FGF12: variants seen among roughly 807,000 people sequenced by gnomAD.
The protein encoded by FGF12 is fibroblast growth factor 12B.
A neutral mutation model predicts 23.6 loss-of-function variants in FGF12; 14 were observed. The observed-to-expected ratio is 0.59, with a 90% confidence interval of 0.39 to 0.93. The LOEUF (loss-of-function observed/expected upper bound fraction) is 0.93, where lower values mean the gene tolerates loss of function less well. Ranked by LOEUF, FGF12 falls within the 40% of genes least tolerant of loss-of-function variation. FGF12 has a pLI of 0.00. For synonymous variants in FGF12, 62 were observed against 77.3 expected (o/e 0.80, Z 1.04); for missense variants, 175 against 217.8 (o/e 0.80, Z 1.24).
chr3:192,597,384 A>G (rs1188381992), intron 2 of FGF12, among the ~76,000 whole-genome samples: 2 of 152,192 alleles, frequency 1.3e-5, no homozygotes, highest in East Asian at 1.9e-4. Context: ...ACACTAAGAA[A>G]TCACCAGCAT....
At chr3:192,388,292 A>T (rs1260728170) in intron 2 of FGF12, among the ~76,000 whole-genome samples, 1 of 152,182 alleles carries the variant, frequency 6.6e-6, no homozygotes, top group African/African-American at 2.4e-5. Flanking sequence ...ATAAAACATA[A>T]GTGTCTATAA....
intron 2 of FGF12, among the ~76,000 whole-genome samples, chr3:192,623,219 T>G (rs1043145277): frequency 3.9e-5 from 6 of 152,206 alleles, no homozygotes; most frequent in Admixed American, 3.3e-4. Context: ...AAAAGTGAAG[T>G]CAGTACCAAA....
At chr3:192,168,887 C>T (rs1715378342) in intron 5 of FGF12, among the ~76,000 whole-genome samples, 2 of 152,198 alleles carry the variant, frequency 1.3e-5, no homozygotes, top group Middle Eastern at 3.4e-3. Context: ...GACAAGCTGA[C>T]CGAATGTTTA....
rs1354194901 is a variant in FGF12, at chr3:192,170,642, T to C, written c.243A>G (p.Pro81=). 8.1e-6 allele frequency: 13 copies of C among 1,603,858 alleles called. No individual in the cohort carries two copies. Among genetic ancestry groups the C allele is most frequent in the African/African-American group, 1.4e-5 (1 of 72,164 alleles). Reference sequence around the variant, plus strand: ...ACACAGATTCCTTGAATTTGCATTCTGGAGTGAAAACATCCTGTAGGAAAA... The same window carrying C: ...ACACAGATTCCTTGAATTTGCATTCCGGAGTGAAAACATCCTGTAGGAAAA... The part of the protein sequence containing the change: ...GYLYSSDVFT[P]ECKFKESVFE... The change falls in exon 5 of 6, where the codon CCA becomes CCG. Residue 81 remains proline (P), a synonymous_variant. Coordinates refer to ENST00000445105, the MANE Select transcript of FGF12 (RefSeq NM_004113.6).
At chr3:192,285,837 A>G (rs1340566796) in intron 4 of FGF12, among the ~76,000 whole-genome samples, 1 of 152,030 alleles carries the variant, frequency 6.6e-6, no homozygotes, top group African/African-American at 2.4e-5. Context: ...GGTGGAAATA[A>G]CCAAAGATAA....
Position 192,591,097 on chromosome 3 carries a change from T to C in FGF12, c.13+136084A>G, listed in dbSNP as rs980066851. The stretch of plus-strand genomic sequence containing the variant: ...TTTGCTATCTCGTATTGGAAACAAG[T>C]AGTGTGAGTCTAAGATAAAGTCAGT... On this transcript the variant is annotated intron_variant, in intron 2 of 5. Coordinates refer to ENST00000445105, the MANE Select transcript of FGF12 (RefSeq NM_004113.6). 1.3e-5 allele frequency among the ~76,000 whole-genome samples: 2 copies of C among 151,312 alleles called. 1 individual carries two copies. The highest frequency in any genetic ancestry group is 4.2e-4 in the South Asian group (2 of 4,714).
chr3:192,684,378 C>T (rs1361675980), intron 2 of FGF12, among the ~76,000 whole-genome samples: 1 of 152,160 alleles, frequency 6.6e-6, no homozygotes, highest in African/African-American at 2.4e-5. Flanking sequence ...AGATCTAAAG[C>T]TCCTTGACTC....
chr3:192,606,961 G>A (rs1318452010), intron 2 of FGF12, among the ~76,000 whole-genome samples: 1 of 152,008 alleles, frequency 6.6e-6, no homozygotes, highest in African/African-American at 2.4e-5. Context: ...GTTTATTACT[G>A]GAACTTCATA....
At chr3:192,369,035 G>A (rs1444310766) in intron 2 of FGF12, among the ~76,000 whole-genome samples, 1 of 152,116 alleles carries the variant, frequency 6.6e-6, no homozygotes, top group East Asian at 1.9e-4. Flanking sequence ...ATTGTGCATA[G>A]GTTAGGAGAG....
At chr3:192,490,730 T>G (rs1417399185) in intron 2 of FGF12, among the ~76,000 whole-genome samples, 1 of 152,106 alleles carries the variant, frequency 6.6e-6, no homozygotes, top group Non-Finnish European at 1.5e-5. Flanking sequence ...TATAGCCACA[T>G]GCAACAATAA....
At position 192,407,976 on chromosome 3, in the gene FGF12, GAA is replaced by G. The variant is rs751522238; in HGVS notation, c.14-47440_14-47439del. The G allele has an allele frequency of 2.6e-6, 4 of 1,529,400 alleles. No homozygotes were observed. The East Asian group carries it at 6.9e-5, about 26-fold the overall frequency. The allele number at this position is 1,529,400 out of a possible 1,614,324, so 94.7% of individuals were successfully genotyped here. On this transcript the variant is annotated intron_variant, in intron 2 of 5. Coordinates refer to ENST00000445105, the MANE Select transcript of FGF12 (RefSeq NM_004113.6). ...GGTCCCGAGGTGCTTTGAGGAGGGA[GAA>G]AGAGGGCGTCCCCTCTGGGGAGCCC...
intron 5 of FGF12, among the ~76,000 whole-genome samples, chr3:192,149,166 G>T (rs1433803177): frequency 6.6e-6 from 1 of 152,144 alleles, no homozygotes; most frequent in Non-Finnish European, 1.5e-5. Context: ...CGACATGAGT[G>T]TATAAAGAAA....
chr3:192,293,197 G>A (rs1286575738), intron 4 of FGF12, among the ~76,000 whole-genome samples: 1 of 151,938 alleles, frequency 6.6e-6, no homozygotes, highest in Non-Finnish European at 1.5e-5. Context: ...TTCAATCAAA[G>A]TTTTCTCTGG....
chr3:192,281,487 A>G (rs1049237251), intron 4 of FGF12, among the ~76,000 whole-genome samples: 4 of 152,130 alleles, frequency 2.6e-5, no homozygotes, highest in Non-Finnish European at 5.9e-5. Context: ...TGAGATTCGA[A>G]GTACACATGA....
chr3:192,263,958 A>C (rs1712919116), intron 4 of FGF12, among the ~76,000 whole-genome samples: 1 of 152,106 alleles, frequency 6.6e-6, no homozygotes, highest in East Asian at 1.9e-4. Flanking sequence ...ATGCAGAATA[A>C]AACTGAACTT....
At chr3:192,534,880 C>T (rs1725187818) in intron 2 of FGF12, among the ~76,000 whole-genome samples, 1 of 152,036 alleles carries the variant, frequency 6.6e-6, no homozygotes. Context: ...GATTTGGAGA[C>T]ATTCCTCCAA....
At chr3:192,429,108 G>C (rs542059833) in intron 2 of FGF12, among the ~76,000 whole-genome samples, 1 of 152,188 alleles carries the variant, frequency 6.6e-6, no homozygotes, top group South Asian at 2.1e-4. Context: ...GAAAAAAAGA[G>C]TACTTCACAA....
At position 192,194,781 on chromosome 3, in the gene FGF12, CT is replaced by C. The variant is rs147756530; in HGVS notation, c.229-24126del. 7.7e-3 allele frequency among the ~76,000 whole-genome samples: 1,166 copies of C among 152,234 alleles called. 13 individuals carry two copies. Among genetic ancestry groups the C allele is most frequent in the African/African-American group, 0.027 (1,111 of 41,538 alleles). The stretch of plus-strand genomic sequence containing the variant: ...TATAATAAGACTTTTTAAATGTACG[CT>C]TTTTTAGTAAGGAATTTGATCATTT... On this transcript the variant is annotated intron_variant, in intron 4 of 5. Coordinates refer to ENST00000445105, the MANE Select transcript of FGF12 (RefSeq NM_004113.6).
intron 2 of FGF12, among the ~76,000 whole-genome samples, chr3:192,518,147 A>G (rs1724726493): frequency 6.6e-6 from 1 of 152,122 alleles, no homozygotes; most frequent in Non-Finnish European, 1.5e-5. Context: ...TAATACCCAA[A>G]TTTTAAATTA....
Sources: gnomAD v4.1 joint callset for allele counts (sites outside exome capture counted in the v4.1 genomes callset) on GRCh38, gnomAD v4.1.1 for gene constraint, MANE v1.5 for transcripts, NCBI Gene and HGNC (gene_info 2026-07-23, HGNC 2026-07-21) for gene names.